VASP: variants seen among roughly 807,000 people sequenced by gnomAD.
VASP encodes vasodilator stimulated phosphoprotein.
Under a neutral mutation model 54.4 loss-of-function variants are expected in VASP, and 27 were observed. That is an observed-to-expected ratio of 0.50 (90% CI 0.37 to 0.68). The LOEUF (loss-of-function observed/expected upper bound fraction) is 0.68. VASP is among the 30% of genes least tolerant of loss of function. The probability of loss-of-function intolerance (pLI) is 0.00; values close to 1 mark genes in which losing one functional copy is unlikely to be tolerated. For missense variants in VASP, 488 were observed against 528.3 expected, an observed-to-expected ratio of 0.92 and a Z score of 0.75; for synonymous variants, 233 against 209.8, an observed-to-expected ratio of 1.11 and a Z score of -0.96.
chr19:45,519,459 A>C (rs970517039), intron 3 of VASP, among the ~76,000 whole-genome samples: 5 of 143,414 alleles, frequency 3.5e-5, no homozygotes, highest in African/African-American at 1.3e-4. Context: ...GATCATTTCA[A>C]ATTTTTTTTT....
chr19:45,507,684 G>C lies in VASP; in HGVS notation c.-88G>C. 1 of 1,491,946 alleles carries C rather than the reference G, an allele frequency of 6.7e-7. No homozygotes were observed. Among genetic ancestry groups the C allele is most frequent in the Non-Finnish European group, 8.9e-7 (1 of 1,118,922 alleles). The allele number at this position is 1,491,946 out of a possible 1,614,324, so 92.4% of individuals were successfully genotyped here. On this transcript the variant is annotated 5_prime_UTR_variant, in exon 1 of 13. Coordinates refer to ENST00000245932, the MANE Select transcript of VASP (RefSeq NM_003370.4). The surrounding 1 kb of genome is among the most constrained non-coding windows in gnomAD (Gnocchi z 4.4). ...CCCTGGGGGAGCCTGAGCCGAGCCC[G>C]GAGCCAGCCCCGAACCCCTGAACCT... is the stretch of plus-strand genomic sequence containing the variant.
chr19:45,521,688 A>C (rs571197396), intron 4 of VASP, among the ~76,000 whole-genome samples: 95 of 152,230 alleles, frequency 6.2e-4, no homozygotes, highest in Admixed American at 5.0e-3. Context: ...CAGGAGTTTG[A>C]GACCAGCCTG....
At chr19:45,513,237 T>C (rs1251887026) in intron 1 of VASP, among the ~76,000 whole-genome samples, 1 of 151,156 alleles carries the variant, frequency 6.6e-6, no homozygotes, top group Non-Finnish European at 1.5e-5. Context: ...AAAGTTTGCC[T>C]TTTTTTGTGA....
At chr19:45,516,280 A>G (rs1230743031) in intron 1 of VASP, among the ~76,000 whole-genome samples, 3 of 152,194 alleles carry the variant, frequency 2.0e-5, no homozygotes, top group African/African-American at 7.2e-5. Context: ...CACCCAATAT[A>G]GGCCAGACAC....
Position 45,507,651 on chromosome 19 carries a change from G to T in VASP, c.-121G>T. 1 of 1,340,854 alleles carries T rather than the reference G, an allele frequency of 7.5e-7. No homozygotes were observed. Among genetic ancestry groups the T allele is most frequent in the Non-Finnish European group, 1.0e-6 (1 of 987,600 alleles). 83.1% of individuals were successfully genotyped at this position (1,340,854 alleles called of 1,614,324 possible). A position where few individuals can be genotyped will look rare whatever the true frequency, so the allele number is the denominator to read the frequency against. On this transcript the variant is annotated 5_prime_UTR_variant, in exon 1 of 13. Coordinates refer to ENST00000245932, the MANE Select transcript of VASP (RefSeq NM_003370.4). The surrounding 1 kb of genome is among the most constrained non-coding windows in gnomAD (Gnocchi z 4.4). The stretch of plus-strand genomic sequence containing the variant: ...TCTCCCCAGGAAGCCGGACTCTATG[G>T]GGCGGGACCCTGGGGGAGCCTGAGC...
At chr19:45,508,169 G>A (rs1355275425) in intron 1 of VASP, among the ~76,000 whole-genome samples, 1 of 152,134 alleles carries the variant, frequency 6.6e-6, no homozygotes, top group East Asian at 1.9e-4. Flanking sequence ...GGATTGTGGG[G>A]GACCGATTTG....
chr19:45,523,906 GAA>G (rs779448948), intron 9 of VASP, 29 bp downstream of exon 9: 11 of 1,613,690 alleles, frequency 6.8e-6, no homozygotes, highest in Non-Finnish European at 8.5e-6. Context: ...CCAGCCACAG[GAA>G]CTACAAATCC....
chr19:45,525,523 AC>A (rs1473472372), intron 11 of VASP, among the ~76,000 whole-genome samples: 1 of 152,140 alleles, frequency 6.6e-6, no homozygotes, highest in East Asian at 1.9e-4. Context: ...ACATGGCGAA[AC>A]CCTGTCTCTA....
At chr19:45,518,230 T>A in intron 3 of VASP, 136 bp downstream of exon 3, 1 of 1,300,026 alleles carries the variant, frequency 7.7e-7, no homozygotes, top group Non-Finnish European at 1.0e-6. Context: ...AAATTATCAC[T>A]AGCATTTTGT....
chr19:45,511,181 T>C (rs888232855), intron 1 of VASP, among the ~76,000 whole-genome samples: 5 of 152,060 alleles, frequency 3.3e-5, no homozygotes, highest in African/African-American at 4.8e-5. Flanking sequence ...TGTATATGTA[T>C]CATAGGTTTT....
In VASP at chr19:45,523,845, AG is replaced by A; in HGVS notation, c.880del (p.Glu294SerfsTer27). ...KTPKDESANQ[E>X]EPEARVPAQS... is the part of the protein sequence containing the mutation. ...GGCAGTTTTATTTCCTACCAGCAGGAGGAGCCAGAGGCCAGAGTCCCGGCCC... is the reference window on the plus strand; with the variant it reads ...GGCAGTTTTATTTCCTACCAGCAGGAGAGCCAGAGGCCAGAGTCCCGGCCC... On this transcript the variant is annotated frameshift_variant, in exon 9 of 13. Transcript: ENST00000245932. LOFTEE classifies it high-confidence loss of function. The A allele has an allele frequency of 6.2e-7, 1 of 1,614,040 alleles. No homozygotes were observed. Among genetic ancestry groups the A allele is most frequent in the Non-Finnish European group, 8.5e-7 (1 of 1,180,002 alleles).
At chr19:45,513,129 A>G (rs1968633183) in intron 1 of VASP, among the ~76,000 whole-genome samples, 1 of 152,240 alleles carries the variant, frequency 6.6e-6, no homozygotes, top group African/African-American at 2.4e-5. Flanking sequence ...AGCCTATCCC[A>G]TGAGGTTGTA....
chr19:45,522,540 G>C lies in VASP; in HGVS notation c.679G>C (p.Ala227Pro). Residue 227 changes from alanine (A) to proline (P), a missense_variant, in exon 6 of 13, where the codon GCC becomes CCC. By Grantham distance (27) the Ala-to-Pro change is conservative. Around this residue, in one of 4 missense-constraint regions of VASP, gnomAD observed 226 missense variants for 196.0 expected, o/e 1.15. Coordinates refer to ENST00000245932, the MANE Select transcript of VASP (RefSeq NM_003370.4). Reference sequence around the variant, plus strand: ...TGGGGGAGCTGGGGCCCCAGGCCTGGCCGCAGCTATTGCTGGAGCCAAACT... The same window carrying C: ...TGGGGGAGCTGGGGCCCCAGGCCTGCCCGCAGCTATTGCTGGAGCCAAACT... The part of the protein sequence containing the change: ...GGGGAGAPGL[A>P]AAIAGAKLRK... 6.9e-7 allele frequency: 1 copy of C among 1,456,188 alleles called. No homozygotes were observed. The highest frequency in any genetic ancestry group is 2.5e-5 in the East Asian group (1 of 40,674). 90.2% of individuals were successfully genotyped at this position (1,456,188 alleles called of 1,614,324 possible).
intron 1 of VASP, among the ~76,000 whole-genome samples, chr19:45,508,562 T>G (rs1434410482): frequency 7.0e-6 from 1 of 142,110 alleles, no homozygotes; most frequent in Admixed American, 7.0e-5. Flanking sequence ...GCGCGGCAGC[T>G]GGGGGAAGGG....
intron 1 of VASP, among the ~76,000 whole-genome samples, chr19:45,508,569 AG>A (rs3216351): frequency 0.25 from 37,300 of 151,978 alleles, 4,748 homozygotes; most frequent in African/African-American, 0.29. Context: ...AGCTGGGGGA[AG>A]GGGGCCTTTG....
Position 45,507,833 on chromosome 19 carries a change from T to A in VASP, c.5+57T>A. The A allele has an allele frequency of 1.0e-6, 1 of 963,822 alleles. No homozygotes were observed. Among genetic ancestry groups the A allele is most frequent in the Non-Finnish European group, 1.3e-6 (1 of 752,796 alleles). The allele number at this position is 963,822 out of a possible 1,614,324, so 59.7% of individuals were successfully genotyped here. On this transcript the variant is annotated intron_variant, in intron 1 of 12. Coordinates refer to ENST00000245932, the MANE Select transcript of VASP (RefSeq NM_003370.4). This position sits in a 1 kb window ranked among gnomAD's most constrained non-coding sequence, Gnocchi z 4.4. ...GCCCGGGCGGGCTCCGCGCCCCGCC[T>A]TTGTCCCCCTCCCCCCCAGCTAGCT... is the stretch of plus-strand genomic sequence containing the variant.
chr19:45,515,754 T>C (rs1302671439), intron 1 of VASP, among the ~76,000 whole-genome samples: 1 of 152,052 alleles, frequency 6.6e-6, no homozygotes, highest in Non-Finnish European at 1.5e-5. Flanking sequence ...CCCAGGCTGG[T>C]CTCGAACACC....
chr19:45,517,423 T>C (rs1349979568), intron 1 of VASP, among the ~76,000 whole-genome samples: 2 of 150,442 alleles, frequency 1.3e-5, no homozygotes, highest in Non-Finnish European at 3.0e-5. Flanking sequence ...TCAACCCGAC[T>C]CTCCCTTTCC....
chr19:45,517,672 C>A lies in VASP; in HGVS notation c.15C>A (p.Val5=). The A allele has an allele frequency of 6.2e-7, 1 of 1,608,916 alleles. No individual in the cohort carries two copies. Among genetic ancestry groups the A allele is most frequent in the Admixed American group, 1.7e-5 (1 of 59,998 alleles). The change falls in exon 2 of 13, where the codon GTC becomes GTA. Residue 5 remains valine, a synonymous_variant. Coordinates refer to ENST00000245932, the MANE Select transcript of VASP (RefSeq NM_003370.4). The part of the protein sequence containing the change: MSET[V]ICSSRATVML... ...TTCCTCCCGCCTGCAGCGAGACGGT[C>A]ATCTGTTCCAGCCGGGCCACTGTGA...
Sources: gnomAD v4.1 joint callset for allele counts (sites outside exome capture counted in the v4.1 genomes callset) on GRCh38, gnomAD v4.1.1 for gene constraint, gnomAD v4.1.1 regional missense constraint, Gnocchi (gnomAD v3.1) non-coding constraint, MANE v1.5 for transcripts, NCBI Gene and HGNC (gene_info 2026-07-23, HGNC 2026-07-21) for gene names.